The following TXLNB variants were observed in gnomAD, a reference collection of about 807,000 sequenced individuals.
TXLNB encodes the protein taxilin beta.
Under a neutral mutation model 57.4 loss-of-function variants are expected in TXLNB, and 37 were observed. The observed-to-expected ratio is 0.64, with a 90% CI of 0.50 to 0.85. The LOEUF (loss-of-function observed/expected upper bound fraction) is 0.85, where lower values mean the gene tolerates loss of function less well. TXLNB is among the 40% of genes least tolerant of loss of function. The pLI is 0.00. For missense variants in TXLNB, 848 were observed against 825.6 expected, an observed-to-expected ratio of 1.03 and a Z score of -0.33; for synonymous variants, 302 against 309.6, an observed-to-expected ratio of 0.98 and a Z score of 0.26.
chr6:139,278,358 C>T (rs1282863994), intron 2 of TXLNB, among the ~76,000 whole-genome samples: 4 of 152,122 alleles, frequency 2.6e-5, no homozygotes, highest in African/African-American at 7.2e-5. Flanking sequence ...TCTATCTTTG[C>T]CTAGTGAGTC....
intron 2 of TXLNB, among the ~76,000 whole-genome samples, chr6:139,286,252 G>A (rs1777171682): frequency 6.7e-6 from 1 of 149,226 alleles, no homozygotes; most frequent in Non-Finnish European, 1.5e-5. Flanking sequence ...ATCTGCTTCT[G>A]TAAACTCTCC....
chr6:139,212,880 G>T, the TXLNB span, among the ~76,000 whole-genome samples: 158 of 152,278 alleles, frequency 1.0e-3, 1 homozygote, highest in African/African-American at 3.5e-3. Flanking sequence ...AAGAGACAAA[G>T]AAGGCCATTA....
At chr6:139,320,328 T>C in the TXLNB span, among the ~76,000 whole-genome samples, 1 of 152,200 alleles carries the variant, frequency 6.6e-6, no homozygotes, top group African/African-American at 2.4e-5. Flanking sequence ...TTCCTTTAGG[T>C]TTCTGTTTCC....
intron 4 of TXLNB, among the ~76,000 whole-genome samples, chr6:139,267,465 A>C (rs538423924): frequency 1.3e-5 from 2 of 152,354 alleles, no homozygotes; most frequent in Admixed American, 1.3e-4. Flanking sequence ...GTAATCACAG[A>C]GCAACTACTA....
the TXLNB span, among the ~76,000 whole-genome samples, chr6:139,311,422 G>A: frequency 3.4e-4 from 49 of 146,110 alleles, no homozygotes; most frequent in Middle Eastern, 3.8e-3. Context: ...AGGTGCTGCA[G>A]AGTGTTCTAT....
the TXLNB span, among the ~76,000 whole-genome samples, chr6:139,181,100 T>C: frequency 2.1e-5 from 3 of 144,414 alleles, no homozygotes; most frequent in Non-Finnish European, 3.0e-5. Context: ...ATTTGATAGA[T>C]AGTATAGTGT....
rs376825090 is a variant in TXLNB at position 139,242,917 on chromosome 6, G to A, written c.1664C>T (p.Pro555Leu). 8.9e-5 allele frequency: 143 copies of A among 1,614,022 alleles called. No individual in the cohort carries two copies. Among genetic ancestry groups the A allele is most frequent in the East Asian group, 6.7e-5 (3 of 44,894 alleles). The change falls in exon 10 of 10, where the codon CCC becomes CTC. Residue 555 changes from proline to leucine, a missense_variant. Pro to Leu is a moderately conservative substitution (Grantham distance 98). Coordinates refer to ENST00000358430, the MANE Select transcript of TXLNB (RefSeq NM_153235.4). The part of the protein sequence containing the change: ...PLIPSRDSES[P>L]LPPLTPQAEA... The stretch of plus-strand genomic sequence containing the variant: ...AGCCTGAGGAGTTAGGGGAGGCAGG[G>A]GACTCTCTGAATCCCGTGAAGGGAT...
At chr6:139,308,410 C>A in the TXLNB span, among the ~76,000 whole-genome samples, 1 of 152,186 alleles carries the variant, frequency 6.6e-6, no homozygotes, top group Non-Finnish European at 1.5e-5. Context: ...AGGCAAGATG[C>A]AGTAGGTAGT....
At chr6:139,277,375 A>G (rs1776925968) in intron 2 of TXLNB, among the ~76,000 whole-genome samples, 1 of 152,236 alleles carries the variant, frequency 6.6e-6, no homozygotes, top group South Asian at 2.1e-4. Flanking sequence ...CTGGGATTCC[A>G]GCCAGAAGCA....
At chr6:139,319,556 G>A in the TXLNB span, among the ~76,000 whole-genome samples, 1 of 151,980 alleles carries the variant, frequency 6.6e-6, no homozygotes, top group African/African-American at 2.4e-5. Flanking sequence ...GAGCTCAGAA[G>A]TCTGAGACCA....
the TXLNB span, among the ~76,000 whole-genome samples, chr6:139,307,032 T>C: frequency 6.6e-6 from 1 of 152,214 alleles, no homozygotes; most frequent in Admixed American, 6.5e-5. Flanking sequence ...TTGTGACATT[T>C]TGGAATCATG....
the TXLNB span, among the ~76,000 whole-genome samples, chr6:139,312,201 G>C: frequency 6.6e-5 from 10 of 152,158 alleles, no homozygotes; most frequent in Non-Finnish European, 1.5e-4. Flanking sequence ...ACACTCCAAT[G>C]GGTAGGGGTA....
the TXLNB span, among the ~76,000 whole-genome samples, chr6:139,228,609 T>G: frequency 6.6e-6 from 1 of 151,756 alleles, no homozygotes; most frequent in Non-Finnish European, 1.5e-5. Context: ...TTACCAGGAT[T>G]AAGTTTCTCT....
the TXLNB span, among the ~76,000 whole-genome samples, chr6:139,222,735 A>G: frequency 1.3e-5 from 2 of 152,108 alleles, no homozygotes; most frequent in African/African-American, 4.8e-5. Context: ...AGAACCCGGG[A>G]GGTGGAGATC....
At chr6:139,264,631 C>G (rs1447111633) in intron 4 of TXLNB, among the ~76,000 whole-genome samples, 1 of 152,142 alleles carries the variant, frequency 6.6e-6, no homozygotes, top group Non-Finnish European at 1.5e-5. Context: ...ATGATCTCGG[C>G]TCACTGCAAC....
the TXLNB span, among the ~76,000 whole-genome samples, chr6:139,209,719 G>C: frequency 6.6e-6 from 1 of 152,060 alleles, no homozygotes; most frequent in African/African-American, 2.4e-5. Context: ...AATCAACTCA[G>C]GGTGGATCAA....
At chr6:139,308,042 A>G in the TXLNB span, among the ~76,000 whole-genome samples, 1 of 90,064 alleles carries the variant, frequency 1.1e-5, no homozygotes, top group African/African-American at 4.1e-5. Flanking sequence ...GTTCTTCTGC[A>G]TGCGAGATTT....
At chr6:139,305,083 G>A in the TXLNB span, among the ~76,000 whole-genome samples, 1 of 152,116 alleles carries the variant, frequency 6.6e-6, no homozygotes, top group Non-Finnish European at 1.5e-5. Flanking sequence ...TCATAATCAT[G>A]AATTCAACGT....
At chr6:139,192,200 C>T in the TXLNB span, among the ~76,000 whole-genome samples, 5 of 152,170 alleles carry the variant, frequency 3.3e-5, no homozygotes, top group African/African-American at 1.2e-4. Context: ...TTTGGGAACC[C>T]TCTGGAGTCA....
Sources: allele counts gnomAD v4.1 joint callset (sites outside exome capture counted in the v4.1 genomes callset), GRCh38; gene constraint gnomAD v4.1.1; transcripts MANE v1.5; gene names NCBI Gene and HGNC (gene_info 2026-07-23, HGNC 2026-07-21).